Variants in SLC9A6 observed in about 807,000 individuals in gnomAD.
SLC9A6 encodes the protein solute carrier family 9 member A6.
SLC9A6 carries 6 observed loss-of-function variants against 45.3 expected under a neutral mutation model. The ratio of observed to expected loss-of-function variants is 0.13; its 90% confidence interval spans 0.07 to 0.26. The LOEUF (loss-of-function observed/expected upper bound fraction) is 0.26, where lower values mean the gene tolerates loss of function less well. Among genes scored for constraint, SLC9A6 ranks in the 10% least tolerant of loss-of-function variants. SLC9A6 has a pLI of 1.00. For missense variants in SLC9A6, 278 were observed against 503.7 expected (o/e 0.55, Z 4.29); for synonymous variants, 191 against 187.7 (o/e 1.02, Z -0.14).
intron 7 of SLC9A6, chrX:136,010,235 G>T (rs1556618465): frequency 1.5e-5 from 4 of 267,725 alleles, no homozygotes; most frequent in Non-Finnish European, 2.0e-5. Flanking sequence ...CCCCCCCCCC[G>T]AAATTAACAT....
In SLC9A6 at chrX:136,047,237, C is replaced by T. The variant is rs782542851; in HGVS notation, c.*2513C>T. ...TGGAAAAGGGGAAGACTAATGTTTT[C>T]AAATAAACAAACAGAAACCTAACAG... On this transcript the variant is annotated 3_prime_UTR_variant, in exon 18 of 18. Coordinates refer to ENST00000630721, the MANE Select transcript of SLC9A6 (RefSeq NM_001379110.1). The T allele has an allele frequency of 8.9e-6, 1 of 112,292 alleles. No homozygotes were observed. Among genetic ancestry groups the T allele is most frequent in the South Asian group, 3.7e-4 (1 of 2,697 alleles). The allele number at this position is 112,292 out of a possible 1,213,427, so 9.3% of individuals were successfully genotyped here. A position where few individuals can be genotyped will look rare whatever the true frequency, so the allele number is the denominator to read the frequency against.
intron 6 of SLC9A6, 41 bp downstream of exon 6, chrX:135,999,009 T>C: frequency 1.2e-6 from 1 of 866,712 alleles, no homozygotes; most frequent in Non-Finnish European, 1.7e-6. Context: ...TTGAGGTGCA[T>C]TGTTTTGCAG....
chrX:136,030,289 A>G, intron 15 of SLC9A6, 127 bp downstream of exon 15: 1 of 697,124 alleles, frequency 1.4e-6, no homozygotes, highest in East Asian at 3.3e-5. Context: ...CTTTGGAGGA[A>G]TGATATCATT....
intron 2 of SLC9A6, among the ~76,000 whole-genome samples, chrX:135,993,852 G>A (rs1482137294): frequency 9.0e-6 from 1 of 111,510 alleles, no homozygotes; most frequent in Non-Finnish European, 1.9e-5. Flanking sequence ...AATGTCAGTA[G>A]GATGATCCAG....
upstream of SLC9A6, among the ~76,000 whole-genome samples, chrX:135,980,343 A>G (rs1183827169): frequency 1.8e-5 from 2 of 109,148 alleles, no homozygotes; most frequent in African/African-American, 6.7e-5. Context: ...CCTCCTACCA[A>G]TACATGAATT....
rs782547119 is a variant in SLC9A6, at chrX:136,033,083, C to T, written c.1582-331C>T. The stretch of plus-strand genomic sequence containing the variant: ...TTCACCATGTTGGTCAGGCTGGTCT[C>T]GAACTCCTGATCTCGTGATCTGCCT... On this transcript the variant is annotated intron_variant, in intron 15 of 17. Coordinates refer to ENST00000630721, the MANE Select transcript of SLC9A6 (RefSeq NM_001379110.1). 5 of 183,534 alleles carry T rather than the reference C, an allele frequency of 2.7e-5. No individual in the cohort carries two copies. In the South Asian group the frequency reaches 3.5e-4, roughly 13 times the overall value. 15.1% of individuals were successfully genotyped at this position (183,534 alleles called of 1,213,427 possible).
chrX:136,016,668 G>A lies in SLC9A6; in HGVS notation c.1104G>A (p.Leu368=). 4.2e-6 allele frequency: 5 copies of A among 1,183,404 alleles called. No homozygotes were observed. The highest frequency in any genetic ancestry group is 5.7e-6 in the Non-Finnish European group (5 of 869,917). The change falls in exon 11 of 18, where the codon TTG becomes TTA. Residue 368 remains leucine (L), a synonymous_variant. Transcript: ENST00000630721. ...TKQLFELLNF[L]AENFIFSYMG... ...AGTTGTTTGAGCTTCTCAATTTCTT[G>A]GCAGAGAATTTCATCTTCTCCTACA...
intron 16 of SLC9A6, among the ~76,000 whole-genome samples, chrX:136,035,310 A>C (rs781787762): frequency 1.8e-5 from 2 of 112,278 alleles, no homozygotes; most frequent in Non-Finnish European, 3.8e-5. Flanking sequence ...TCCCACCCAT[A>C]CAAAGATACA....
chrX:135,976,402 A>T (rs1275130566), intron 1 of SLC9A6, among the ~76,000 whole-genome samples: 3 of 111,370 alleles, frequency 2.7e-5, no homozygotes, highest in Non-Finnish European at 5.6e-5. Context: ...CTTCTTCCAG[A>T]CCAGCCTGGC....
In SLC9A6 at chrX:135,998,101, T is replaced by C. The variant is rs2148149781; in HGVS notation, c.370-7T>C. 1 of 952,713 alleles carries C rather than the reference T, an allele frequency of 1.0e-6. No homozygotes were observed. Among genetic ancestry groups the C allele is most frequent in the East Asian group, 3.1e-5 (1 of 32,633 alleles). The allele number at this position is 952,713 out of a possible 1,213,427, so 78.5% of individuals were successfully genotyped here. ...AATTGATCTAAAATAACTCTTTATT[T>C]TAACAGGTTACTTTTGATCCAGAAG... On this transcript the variant is annotated splice_polypyrimidine_tract_variant and splice_region_variant and intron_variant, in intron 3 of 17. Coordinates refer to ENST00000630721, the MANE Select transcript of SLC9A6 (RefSeq NM_001379110.1).
chrX:136,026,079 C>T (rs1346859239), intron 13 of SLC9A6, among the ~76,000 whole-genome samples: 3 of 112,430 alleles, frequency 2.7e-5, no homozygotes, highest in African/African-American at 6.5e-5. Context: ...TGTCCTGTAA[C>T]ATAGTTGGTC....
intron 2 of SLC9A6, 50 bp downstream of exon 2, chrX:135,985,877 C>T: frequency 8.4e-7 from 1 of 1,189,952 alleles, no homozygotes. Flanking sequence ...CTTTCTCTGC[C>T]CGCCGGCTGC....
chrX:136,016,407 T>G (rs1370845744), intron 10 of SLC9A6, among the ~76,000 whole-genome samples: 2 of 109,032 alleles, frequency 1.8e-5, no homozygotes, highest in Non-Finnish European at 3.8e-5. Flanking sequence ...AGAGGAATAA[T>G]TGAAGATGGG....
At chrX:136,028,714 C>G (rs1163121206) in intron 13 of SLC9A6, among the ~76,000 whole-genome samples, 172 bp from the exon 14 acceptor site, 3 of 112,262 alleles carry the variant, frequency 2.7e-5, no homozygotes, top group Non-Finnish European at 5.6e-5. Flanking sequence ...GTTTTCAGGT[C>G]CTTGACCATG....
intron 7 of SLC9A6, among the ~76,000 whole-genome samples, chrX:136,006,167 T>C (rs899108113): frequency 2.0e-4 from 22 of 112,112 alleles, no homozygotes; most frequent in African/African-American, 6.8e-4. Flanking sequence ...TTATCTACTG[T>C]CTGCATTCTG....
chrX:136,042,512 C>A (rs2071531637), intron 17 of SLC9A6, among the ~76,000 whole-genome samples: 1 of 111,878 alleles, frequency 8.9e-6, no homozygotes, highest in Admixed American at 9.5e-5. Flanking sequence ...TTGTTAACTG[C>A]TTTTTTTAGT....
intron 7 of SLC9A6, chrX:136,010,236 A>C: frequency 4.5e-5 from 10 of 224,519 alleles, no homozygotes; most frequent in East Asian, 1.0e-4. Context: ...CCCCCCCCCG[A>C]AATTAACATT....
intron 15 of SLC9A6, among the ~76,000 whole-genome samples, chrX:136,032,540 G>A (rs1255811900): frequency 8.9e-6 from 1 of 112,323 alleles, no homozygotes; most frequent in African/African-American, 3.2e-5. Context: ...GCTGGGACTG[G>A]AAGCAGATTG....
intron 4 of SLC9A6, 136 bp downstream of exon 4, chrX:135,998,321 A>G: frequency 1.8e-6 from 1 of 558,923 alleles, no homozygotes; most frequent in East Asian, 3.3e-5. Context: ...TAGATGCTGA[A>G]ATTTATACCT....
Sources: allele counts gnomAD v4.1 joint callset (sites outside exome capture counted in the v4.1 genomes callset), GRCh38; gene constraint gnomAD v4.1.1; transcripts MANE v1.5; gene names NCBI Gene and HGNC (gene_info 2026-07-23, HGNC 2026-07-21).